The following TEX2 variants were observed in gnomAD, a reference collection of about 807,000 sequenced individuals.
TEX2 encodes the protein testis-expressed protein 2.
Under a neutral mutation model 106.9 loss-of-function variants are expected in TEX2, and 53 were observed. That is an observed-to-expected ratio of 0.50 (90% CI 0.40 to 0.62). The LOEUF is 0.62. Among genes scored for constraint, TEX2 ranks in the 20% least tolerant of loss-of-function variants. The pLI, the probability that TEX2 is intolerant of heterozygous loss-of-function variation, is 0.00. For synonymous variants in TEX2, 523 were observed against 534.8 expected (o/e 0.98, Z 0.30); for missense variants, 1,207 against 1,379.0 (o/e 0.88, Z 1.98).
chr17:64,257,934 T>G (rs564691706), intron 1 of TEX2, among the ~76,000 whole-genome samples: 1 of 151,456 alleles, frequency 6.6e-6, no homozygotes, highest in East Asian at 1.9e-4. Context: ...TTTTTTGAGA[T>G]GGAGTCTCGC....
At chr17:64,179,418 C>T (rs1323077073) in intron 5 of TEX2, among the ~76,000 whole-genome samples, 3 of 152,220 alleles carry the variant, frequency 2.0e-5, no homozygotes, top group African/African-American at 7.2e-5. Flanking sequence ...CCACCCTAGC[C>T]AGCAGCAGCG....
intron 5 of TEX2, among the ~76,000 whole-genome samples, chr17:64,187,449 G>C (rs8079651): frequency 0.15 from 22,758 of 151,790 alleles, 2,192 homozygotes; most frequent in African/African-American, 0.27. Flanking sequence ...CACCCCAGCC[G>C]AGCCTCTCCT....
intron 1 of TEX2, among the ~76,000 whole-genome samples, chr17:64,219,508 CAAATAAAATAAAATA>C (rs3071506): frequency 5.1e-4 from 69 of 134,920 alleles, no homozygotes; most frequent in Admixed American, 1.2e-3. Context: ...TCCATCTCAT[CAAATAAAATAAAATA>C]AAATAAAATA....
rs141910994 is a variant in TEX2, at chr17:64,250,146, GAAAC to G, written c.-26+13018_-26+13021del. Reference sequence around the variant, plus strand: ...TCCTAACTGTAGGTGAGGTGGATAGGAAACTGGGGTGGCCACATCAGATCAGCCA... The same window carrying G: ...TCCTAACTGTAGGTGAGGTGGATAGGTGGGGTGGCCACATCAGATCAGCCA... On this transcript the variant is annotated intron_variant, in intron 1 of 11. Transcript: ENST00000584379. Among the ~76,000 whole-genome samples the G allele has an allele frequency of 3.1e-3, 468 of 152,310 alleles. 2 individuals carry two copies. Among genetic ancestry groups the G allele is most frequent in the African/African-American group, 0.011 (443 of 41,568 alleles).
intron 1 of TEX2, among the ~76,000 whole-genome samples, chr17:64,224,071 C>T (rs782510438): frequency 3.3e-5 from 5 of 152,106 alleles, no homozygotes; most frequent in Non-Finnish European, 7.3e-5. Context: ...CATTTGCTAC[C>T]TCTGAACAAG....
intron 7 of TEX2, among the ~76,000 whole-genome samples, chr17:64,170,436 C>T (rs1182408802): frequency 2.6e-5 from 4 of 152,192 alleles, no homozygotes; most frequent in South Asian, 2.1e-4. Flanking sequence ...CAGCTGCACC[C>T]GTGAGGGCCA....
intron 1 of TEX2, among the ~76,000 whole-genome samples, chr17:64,257,382 CTTTA>C (rs1205761009): frequency 6.6e-6 from 1 of 152,230 alleles, no homozygotes; most frequent in Admixed American, 6.5e-5. Flanking sequence ...AGAGTTAATT[CTTTA>C]AGTTTAACAA....
intron 1 of TEX2, among the ~76,000 whole-genome samples, chr17:64,253,680 A>T (rs1370815268): frequency 6.6e-6 from 1 of 152,218 alleles, no homozygotes; most frequent in Admixed American, 6.5e-5. Context: ...TATTTGGTGC[A>T]GGACTAGATA....
intron 1 of TEX2, among the ~76,000 whole-genome samples, chr17:64,215,160 G>A (rs1415273922): frequency 1.3e-5 from 2 of 152,190 alleles, no homozygotes; most frequent in Admixed American, 6.5e-5. Flanking sequence ...AAGATGCCAC[G>A]CCCACCTTGT....
chr17:64,244,313 C>T (rs1452579489), intron 1 of TEX2, among the ~76,000 whole-genome samples: 2 of 150,940 alleles, frequency 1.3e-5, no homozygotes, highest in African/African-American at 4.9e-5. Flanking sequence ...TTTGGAATGC[C>T]TAACCCGCTG....
intron 1 of TEX2, among the ~76,000 whole-genome samples, chr17:64,261,011 C>G (rs1555638476): frequency 6.6e-6 from 1 of 152,164 alleles, no homozygotes; most frequent in African/African-American, 2.4e-5. Flanking sequence ...ACACAGAAAA[C>G]TGGTCTTTGA....
chr17:64,224,510 T>C (rs2033450861), intron 1 of TEX2, among the ~76,000 whole-genome samples: 1 of 152,228 alleles, frequency 6.6e-6, no homozygotes, highest in African/African-American at 2.4e-5. Context: ...GAACTAGCTC[T>C]AGCCTTAGTT....
chr17:64,235,137 C>T (rs1043926011), intron 1 of TEX2, among the ~76,000 whole-genome samples: 2 of 152,190 alleles, frequency 1.3e-5, no homozygotes, highest in Admixed American at 1.3e-4. Context: ...ACTTTACCAA[C>T]ATTATAACAC....
At position 64,205,178 on chromosome 17, in the gene TEX2, A is replaced by T. The variant is rs2032790622; in HGVS notation, c.1644+7396T>A. Among the ~76,000 whole-genome samples the T allele has an allele frequency of 6.6e-6, 1 of 152,158 alleles. No homozygotes were observed. The highest frequency in any genetic ancestry group is 2.1e-4 in the South Asian group (1 of 4,830). Reference sequence around the variant, plus strand: ...AAAACATCTCACTGATTAGCCGTGCATGGTGATGCGCACATGTAATCCCAG... The same window carrying T: ...AAAACATCTCACTGATTAGCCGTGCTTGGTGATGCGCACATGTAATCCCAG... On this transcript the variant is annotated intron_variant, in intron 2 of 11. Coordinates refer to ENST00000584379, the MANE Select transcript of TEX2 (RefSeq NM_001288732.2). This position sits in a 1 kb window ranked among gnomAD's most constrained non-coding sequence, Gnocchi z 4.0.
chr17:64,196,988 T>TTTTTTTTTTC (rs2032494624), intron 2 of TEX2, among the ~76,000 whole-genome samples: 1 of 142,440 alleles, frequency 7.0e-6, no homozygotes, highest in Non-Finnish European at 1.5e-5. Context: ...CAAGATTTTT[T>TTTTTTTTTTC]TTTTTTTTTT....
At chr17:64,206,142 C>T (rs2032821455) in intron 2 of TEX2, among the ~76,000 whole-genome samples, 1 of 152,122 alleles carries the variant, frequency 6.6e-6, no homozygotes, top group Non-Finnish European at 1.5e-5. Flanking sequence ...CTCTAAATGC[C>T]CCATTTTCCC....
chr17:64,244,049 C>T lies in TEX2; in HGVS notation c.-26+19119G>A, dbSNP rs890203781. ...GTCTCGAACTCCTGACCTCGTGATCCGCCCGCCTCGGTTTCCCAAAGTGCT... is the reference window on the plus strand; with the variant it reads ...GTCTCGAACTCCTGACCTCGTGATCTGCCCGCCTCGGTTTCCCAAAGTGCT... On this transcript the variant is annotated intron_variant, in intron 1 of 11. Coordinates refer to ENST00000584379, the MANE Select transcript of TEX2 (RefSeq NM_001288732.2). Among the ~76,000 whole-genome samples, 9 of 152,152 alleles carry T rather than the reference C, an allele frequency of 5.9e-5. No homozygotes were observed. The East Asian group carries it at 1.2e-3, about 20-fold the overall frequency.
rs182908005 is a variant in TEX2, at chr17:64,212,662, G to A, written c.1556C>T (p.Pro519Leu). ...AVCVIWFFTP[P>L]SAHKYHKLHK... ...TAACTTGTGATATTTATGAGCACTT[G>A]GTGGTGTAAAAAACCAAATCACGCA... Residue 519 changes from proline to leucine, a missense_variant, in exon 2 of 12, where the codon CCA becomes CTA. Pro to Leu is a moderately conservative substitution (Grantham distance 98). This residue lies in a region of TEX2 where 1,067 missense variants were observed against 1,193.6 expected (regional missense o/e 0.89). Coordinates refer to ENST00000584379, the MANE Select transcript of TEX2 (RefSeq NM_001288732.2). The A allele has an allele frequency of 1.9e-6, 3 of 1,614,132 alleles. No homozygotes were observed. The highest frequency in any genetic ancestry group is 2.2e-5 in the East Asian group (1 of 44,888).
At chr17:64,160,172 G>A (rs1028556276) in intron 8 of TEX2, among the ~76,000 whole-genome samples, 5 of 152,124 alleles carry the variant, frequency 3.3e-5, no homozygotes, top group Admixed American at 2.6e-4. Flanking sequence ...AAAAGTTCCA[G>A]TTTATCTATT....
Sources: gnomAD v4.1 joint callset for allele counts (sites outside exome capture counted in the v4.1 genomes callset) on GRCh38, gnomAD v4.1.1 for gene constraint, gnomAD v4.1.1 regional missense constraint, Gnocchi (gnomAD v3.1) non-coding constraint, MANE v1.5 for transcripts, NCBI Gene and HGNC (gene_info 2026-07-23, HGNC 2026-07-21) for gene names.